The following BRAF variants were observed in gnomAD, a reference collection of about 807,000 sequenced individuals.
BRAF encodes B-Raf proto-oncogene, serine/threonine kinase.
In BRAF, 16 loss-of-function variants were observed where a neutral mutation model predicts 104.6. The ratio of observed to expected loss-of-function variants is 0.15; its 90% confidence interval spans 0.10 to 0.23. The LOEUF is 0.23. Among genes scored for constraint, BRAF ranks in the 10% least tolerant of loss-of-function variants. The probability of loss-of-function intolerance (pLI) is 1.00; values close to 1 mark genes in which losing one functional copy is unlikely to be tolerated. For missense variants in BRAF, 541 were observed against 937.3 expected (o/e 0.58, Z 5.52); for synonymous variants, 310 against 341.6 (o/e 0.91, Z 1.02).
chr7:140,727,684 G>A (rs1212664168), intron 19 of BRAF, among the ~76,000 whole-genome samples: 2 of 151,544 alleles, frequency 1.3e-5, no homozygotes, highest in African/African-American at 2.4e-5. Flanking sequence ...GCAGTGGTGC[G>A]ATCTCGGCTC....
At chr7:140,832,118 T>G (rs1411645339) in intron 3 of BRAF, among the ~76,000 whole-genome samples, 7 of 152,248 alleles carry the variant, frequency 4.6e-5, no homozygotes, top group Non-Finnish European at 1.0e-4. Context: ...TTTTTACATA[T>G]CTTTACTATC....
At chr7:140,753,496 T>C (rs1586015707) in intron 15 of BRAF, 103 bp from the exon 15 acceptor site, 5 of 759,912 alleles carry the variant, frequency 6.6e-6, no homozygotes, top group Admixed American at 3.8e-5. Context: ...AATTCTGTAA[T>C]ATAATATTCT....
intron 14 of BRAF, among the ~76,000 whole-genome samples, chr7:140,757,678 A>C (rs1798322229): frequency 6.6e-6 from 1 of 152,064 alleles, no homozygotes; most frequent in South Asian, 2.1e-4. Flanking sequence ...TGCCTGCTTC[A>C]TTTTTCTTTA....
At position 140,723,784 on chromosome 7, in the gene BRAF, C is replaced by G. The variant is rs1383901721; in HGVS notation, c.*2710G>C. ...GACTGTTACACCCTTACAAGATGAT[C>G]AGTGACGCAGCCACATACTGTCTAT... On this transcript the variant is annotated 3_prime_UTR_variant, in exon 20 of 20. Coordinates refer to ENST00000644969, the MANE Select transcript of BRAF (RefSeq NM_001374258.1). The G allele has an allele frequency of 3.8e-6, 4 of 1,048,234 alleles. No homozygotes were observed. The highest frequency in any genetic ancestry group is 4.6e-6 in the Non-Finnish European group (4 of 868,546). 64.9% of individuals were successfully genotyped at this position (1,048,234 alleles called of 1,614,324 possible). A position where few individuals can be genotyped will look rare whatever the true frequency, so the allele number is the denominator to read the frequency against.
intron 17 of BRAF, chr7:140,747,322 T>C: frequency 9.0e-7 from 1 of 1,111,474 alleles, no homozygotes; most frequent in Admixed American, 3.8e-5. Flanking sequence ...TTCCAGAAGG[T>C]TCTAACTATA....
chr7:140,827,436 T>C (rs1199320146), intron 3 of BRAF, among the ~76,000 whole-genome samples: 3 of 152,172 alleles, frequency 2.0e-5, no homozygotes, highest in African/African-American at 4.8e-5. Context: ...CAGTATAAAT[T>C]TGAATCCCAC....
In BRAF at chr7:140,860,980, T is replaced by C. The variant is rs546329551; in HGVS notation, c.139-10768A>G. 2.3e-3 allele frequency among the ~76,000 whole-genome samples: 346 copies of C among 152,218 alleles called. 1 individual carries two copies. Among genetic ancestry groups the C allele is most frequent in the African/African-American group, 5.7e-3 (236 of 41,544 alleles). On this transcript the variant is annotated intron_variant, in intron 1 of 19. Coordinates refer to ENST00000644969, the MANE Select transcript of BRAF (RefSeq NM_001374258.1). ...CATCTGTATAACAAAATACCACATA[T>C]TAAGTCAAAACAAAAAGCTAGCGCT...
chr7:140,722,900 G>A lies in BRAF; in HGVS notation c.*3594C>T, dbSNP rs1020962104. On this transcript the variant is annotated 3_prime_UTR_variant, in exon 20 of 20. Transcript: ENST00000644969. ...ACTTTCAACAACATTCAGATATTCC[G>A]AGCAACACATTTTTTTACAGTATTA... 5.7e-6 allele frequency: 6 copies of A among 1,055,084 alleles called. No individual in the cohort carries two copies. The African/African-American group carries it at 8.3e-5, about 15-fold the overall frequency. 65.4% of individuals were successfully genotyped at this position (1,055,084 alleles called of 1,614,324 possible).
intron 19 of BRAF, among the ~76,000 whole-genome samples, 169 bp downstream of exon 18, chr7:140,730,496 T>C (rs10262151): frequency 0.012 from 1,819 of 152,030 alleles, 32 homozygotes; most frequent in African/African-American, 0.041. Context: ...GCCTCCCAAG[T>C]AGCTGGACTA....
intron 2 of BRAF, among the ~76,000 whole-genome samples, chr7:140,837,050 T>C (rs371823578): frequency 1.2e-4 from 18 of 152,310 alleles, no homozygotes; most frequent in African/African-American, 3.8e-4. Context: ...CATCTATCAA[T>C]AGCTTTTCCT....
At chr7:140,770,425 G>A (rs997609775) in intron 14 of BRAF, among the ~76,000 whole-genome samples, 16 of 148,768 alleles carry the variant, frequency 1.1e-4, no homozygotes, top group African/African-American at 4.0e-4. Context: ...TAAATATATC[G>A]ATAGGCTGTA....
At chr7:140,781,841 T>C (rs1800907552) in intron 11 of BRAF, 148 bp from the exon 11 acceptor site, 1 of 680,422 alleles carries the variant, frequency 1.5e-6, no homozygotes, top group Non-Finnish European at 2.6e-6. Context: ...TAGTTAAAAG[T>C]ATGACTCTTA....
intron 7 of BRAF, among the ~76,000 whole-genome samples, chr7:140,796,039 A>G (rs1357034407): frequency 3.9e-5 from 6 of 152,170 alleles, no homozygotes; most frequent in Admixed American, 3.9e-4. Flanking sequence ...ACTGACAACC[A>G]TTTACAGGCT....
In BRAF at chr7:140,886,177, T is replaced by C. The variant is rs144928897; in HGVS notation, c.139-35965A>G. ...TTCCTTCACAGGGTAATGGTAATAG[T>C]TTATGACATAATCACTTCATGTGTT... is the stretch of plus-strand genomic sequence containing the variant. On this transcript the variant is annotated intron_variant, in intron 1 of 19. Transcript: ENST00000644969. Among the ~76,000 whole-genome samples the C allele has an allele frequency of 2.6e-5, 4 of 152,326 alleles. No homozygotes were observed. In the East Asian group the frequency reaches 7.7e-4, roughly 29 times the overall value.
chr7:140,796,268 T>C (rs1357586385), intron 7 of BRAF, among the ~76,000 whole-genome samples: 1 of 151,588 alleles, frequency 6.6e-6, no homozygotes, highest in Non-Finnish European at 1.5e-5. Flanking sequence ...GGAGAATCAC[T>C]TGAACCAGGG....
At chr7:140,773,089 C>G (rs750315471) in intron 14 of BRAF, among the ~76,000 whole-genome samples, 1 of 152,098 alleles carries the variant, frequency 6.6e-6, no homozygotes, top group Non-Finnish European at 1.5e-5. Context: ...TCTGAGAAAA[C>G]TGATAGGTTT....
intron 2 of BRAF, chr7:140,835,588 A>C (rs1019108822): frequency 3.9e-5 from 6 of 152,074 alleles, no homozygotes; most frequent in South Asian, 4.1e-4. Context: ...AAAAAAAAAA[A>C]CAGAATTGTA....
chr7:140,801,948 C>T lies in BRAF; in HGVS notation c.712-388G>A, dbSNP rs374151475. On this transcript the variant is annotated intron_variant, in intron 5 of 19. Transcript: ENST00000644969. The stretch of plus-strand genomic sequence containing the variant: ...GTTAAGAAATGCCGACTGGTGTTGA[C>T]GGAACAAGAAAGGCATATATTAAAG... Among the ~76,000 whole-genome samples the T allele has an allele frequency of 8.5e-5, 13 of 152,054 alleles. 1 individual carries two copies. The highest frequency in any genetic ancestry group is 8.3e-4 in the South Asian group (4 of 4,820).
At chr7:140,728,904 T>C (rs915558695) in intron 19 of BRAF, among the ~76,000 whole-genome samples, 1 of 151,836 alleles carries the variant, frequency 6.6e-6, no homozygotes, top group Non-Finnish European at 1.5e-5. Flanking sequence ...CAAATGTTAA[T>C]ATACTACATT....
Sources: gnomAD v4.1 joint callset for allele counts (sites outside exome capture counted in the v4.1 genomes callset) on GRCh38, gnomAD v4.1.1 for gene constraint, MANE v1.5 for transcripts, NCBI Gene and HGNC (gene_info 2026-07-23, HGNC 2026-07-21) for gene names.